PCBP2: variants seen among roughly 807,000 people sequenced by gnomAD.
The protein encoded by PCBP2 is poly(rC) binding protein 2, also known as poly(rC)-binding protein 2.
PCBP2 carries 4 observed loss-of-function variants against 50.1 expected under a neutral mutation model. The ratio of observed to expected loss-of-function variants is 0.08; its 90% CI spans 0.04 to 0.18. The LOEUF is 0.18. Ranked by LOEUF, PCBP2 falls within the 10% of genes least tolerant of loss-of-function variation. The pLI is 1.00. For synonymous variants in PCBP2, 179 were observed against 168.0 expected, an observed-to-expected ratio of 1.07 and a Z score of -0.51; for missense variants, 161 against 474.3, an observed-to-expected ratio of 0.34 and a Z score of 6.14.
At chr12:53,475,325 A>G (rs1942503596) in intron 14 of PCBP2, 4 of 371,654 alleles carry the variant, frequency 1.1e-5, no homozygotes, top group South Asian at 6.0e-5. Context: ...TTTCCTTTTT[A>G]CTACTTTGGG....
rs1942990243 is a variant in PCBP2, at chr12:53,480,667, C to CT, written c.*1227dup. On this transcript the variant is annotated 3_prime_UTR_variant, in exon 15 of 15. Transcript: ENST00000546463. ...CCTCCCCCTGGGCCTTAAGACAGGGCTTGGGCAGAGAAGATAAATGGTGGG... is the reference window on the plus strand; with the variant it reads ...CCTCCCCCTGGGCCTTAAGACAGGGCTTTGGGCAGAGAAGATAAATGGTGGG... 1 of 152,522 alleles carries CT rather than the reference C, an allele frequency of 6.6e-6. No individual in the cohort carries two copies. The highest frequency in any genetic ancestry group is 1.9e-4 in the East Asian group (1 of 5,196). 9.4% of individuals were successfully genotyped at this position (152,522 alleles called of 1,614,324 possible). A position where few individuals can be genotyped will look rare whatever the true frequency, so the allele number is the denominator to read the frequency against.
intron 12 of PCBP2, 40 bp from the exon 13 acceptor site, chr12:53,468,737 T>C (rs373875012): frequency 1.1e-4 from 158 of 1,489,026 alleles, no homozygotes; most frequent in South Asian, 9.9e-4. Flanking sequence ...AGGTTTTGAA[T>C]GCTGTGCATT....
At chr12:53,458,236 GT>G (rs1941188522) in intron 5 of PCBP2, among the ~76,000 whole-genome samples, 1 of 151,258 alleles carries the variant, frequency 6.6e-6, no homozygotes, top group Non-Finnish European at 1.5e-5. Context: ...CCTGTTTTTA[GT>G]TTTCTAACAG....
At chr12:53,469,759 G>A (rs1487580933) in intron 13 of PCBP2, among the ~76,000 whole-genome samples, 1 of 92,818 alleles carries the variant, frequency 1.1e-5, no homozygotes, top group Non-Finnish European at 2.4e-5. Context: ...TACATTTGCT[G>A]CTTTTTTTTT....
At chr12:53,461,703 A>T (rs369648449) in intron 7 of PCBP2, among the ~76,000 whole-genome samples, 8 of 152,128 alleles carry the variant, frequency 5.3e-5, no homozygotes, top group African/African-American at 1.7e-4. Flanking sequence ...TGAGAAATGA[A>T]ACGAATTTTT....
At chr12:53,454,953 A>G (rs1407723526) in intron 2 of PCBP2, 84 bp downstream of exon 2, 5 of 1,126,784 alleles carry the variant, frequency 4.4e-6, no homozygotes, top group East Asian at 4.7e-5. Context: ...GGAGCTCATC[A>G]GATTAGCACT....
intron 8 of PCBP2, 139 bp downstream of exon 8, chr12:53,462,706 A>G (rs1044516234): frequency 2.8e-5 from 17 of 610,956 alleles, no homozygotes; most frequent in Admixed American, 2.6e-4. Flanking sequence ...TTTTAGTTTT[A>G]TTTTTGTACT....
At chr12:53,462,676 C>T (rs1460849664) in intron 8 of PCBP2, 109 bp downstream of exon 8, 1 of 775,588 alleles carries the variant, frequency 1.3e-6, no homozygotes, top group Admixed American at 2.8e-5. Flanking sequence ...AACCTATACT[C>T]TGGCCATAGT....
chr12:53,456,107 T>A, intron 5 of PCBP2, 106 bp downstream of exon 5: 1 of 734,714 alleles, frequency 1.4e-6, no homozygotes, highest in Non-Finnish European at 2.4e-6. Flanking sequence ...ACCTTGAGAC[T>A]CGCTGTAAAT....
chr12:53,456,993 GT>G (rs746939589), intron 5 of PCBP2, among the ~76,000 whole-genome samples: 3 of 152,160 alleles, frequency 2.0e-5, no homozygotes, highest in Non-Finnish European at 2.9e-5. Flanking sequence ...TAGAAAACAC[GT>G]TTTATTCTTT....
chr12:53,467,507 C>T (rs1424989618), intron 11 of PCBP2: 4 of 630,696 alleles, frequency 6.3e-6, no homozygotes, highest in Non-Finnish European at 1.1e-5. Flanking sequence ...AAAAAAAAGC[C>T]CTGGAAGGTT....
intron 8 of PCBP2, among the ~76,000 whole-genome samples, chr12:53,463,670 C>T (rs1285673006): frequency 1.3e-5 from 2 of 152,200 alleles, no homozygotes; most frequent in South Asian, 2.1e-4. Context: ...GACTAATCTC[C>T]CACCAATAAC....
At chr12:53,458,235 A>G (rs1428069010) in intron 5 of PCBP2, among the ~76,000 whole-genome samples, 1 of 150,652 alleles carries the variant, frequency 6.6e-6, no homozygotes, top group Non-Finnish European at 1.5e-5. Context: ...GCCTGTTTTT[A>G]GTTTTCTAAC....
intron 8 of PCBP2, among the ~76,000 whole-genome samples, chr12:53,464,184 T>A (rs1941649636): frequency 6.6e-6 from 1 of 152,054 alleles, no homozygotes. Context: ...ATTCTCCCAC[T>A]CCCCCTTTGG....
In PCBP2 at chr12:53,462,564, T is replaced by C. The variant is rs1941518886; in HGVS notation, c.576T>C (p.Gly192=). The C allele has an allele frequency of 1.2e-6, 2 of 1,612,178 alleles. No individual in the cohort carries two copies. The highest frequency in any genetic ancestry group is 1.7e-6 in the Non-Finnish European group (2 of 1,178,752). Residue 192 remains glycine (G), a synonymous_variant, in exon 8 of 15, where the codon GGT becomes GGC. Transcript: ENST00000546463. ...PSSSPVIFAG[G]QDRYSTGSDS... is the part of the protein sequence containing the mutation. Reference sequence around the variant, plus strand: ...GCTCTCCGGTCATCTTTGCAGGTGGTCAGGTAAGAAAATTCTCATTTGTGG... The same window carrying C: ...GCTCTCCGGTCATCTTTGCAGGTGGCCAGGTAAGAAAATTCTCATTTGTGG...
At chr12:53,460,857 C>A in intron 6 of PCBP2, 158 bp from the exon 7 acceptor site, 1 of 703,704 alleles carries the variant, frequency 1.4e-6, no homozygotes, top group Non-Finnish European at 2.3e-6. Context: ...ACTAAACAGT[C>A]CTATCTGGAA....
At chr12:53,460,327 G>T (rs934901343) in intron 6 of PCBP2, 2 of 346,582 alleles carry the variant, frequency 5.8e-6, no homozygotes, top group Non-Finnish European at 1.1e-5. Flanking sequence ...TTCTGTTGTT[G>T]TAGAGACGAG....
chr12:53,455,841 A>G (rs770944398), intron 4 of PCBP2, 44 bp from the exon 5 acceptor site: 1 of 1,306,812 alleles, frequency 7.7e-7, no homozygotes, highest in South Asian at 1.2e-5. Flanking sequence ...ACATACTCAG[A>G]TCTTCTTTGT....
intron 7 of PCBP2, among the ~76,000 whole-genome samples, chr12:53,461,439 C>G (rs1168683960): frequency 6.6e-6 from 1 of 152,146 alleles, no homozygotes; most frequent in Non-Finnish European, 1.5e-5. Context: ...TATTTGAGTT[C>G]CTGAGTAGCT....
Sources: allele counts gnomAD v4.1 joint callset (sites outside exome capture counted in the v4.1 genomes callset), GRCh38; gene constraint gnomAD v4.1.1; transcripts MANE v1.5; gene names NCBI Gene and HGNC (gene_info 2026-07-23, HGNC 2026-07-21).